TLL1: variants seen among roughly 807,000 people sequenced by gnomAD.
TLL1 encodes tolloid-like protein 1.
A neutral mutation model predicts 128.2 loss-of-function variants in TLL1; 49 were observed. The ratio of observed to expected loss-of-function variants is 0.38; its 90% CI spans 0.30 to 0.48. TLL1 has a LOEUF of 0.48. Among genes scored for constraint, TLL1 ranks in the 20% least tolerant of loss-of-function variants. The pLI, the probability that TLL1 is intolerant of heterozygous loss-of-function variation, is 0.96. For synonymous variants in TLL1, 454 were observed against 418.8 expected (o/e 1.08, Z -1.03); for missense variants, 1,123 against 1,242.0 (o/e 0.90, Z 1.44).
intron 1 of TLL1, among the ~76,000 whole-genome samples, chr4:165,967,332 T>A (rs1735435542): frequency 6.6e-6 from 1 of 152,078 alleles, no homozygotes; most frequent in Admixed American, 6.6e-5. Flanking sequence ...GTGACATACA[T>A]CCTCAGCTTA....
chr4:166,000,804 A>G (rs1268334773), intron 5 of TLL1, among the ~76,000 whole-genome samples: 1 of 152,154 alleles, frequency 6.6e-6, no homozygotes, highest in Non-Finnish European at 1.5e-5. Context: ...GAATTAAAGC[A>G]TATTATTTGA....
chr4:165,935,432 T>C (rs551333210), intron 1 of TLL1, among the ~76,000 whole-genome samples: 46 of 152,358 alleles, frequency 3.0e-4, no homozygotes, highest in African/African-American at 9.9e-4. Flanking sequence ...TTAATGCACA[T>C]GATCTATGCT....
At chr4:165,878,737 G>A (rs923116146) in intron 1 of TLL1, among the ~76,000 whole-genome samples, 12 of 151,972 alleles carry the variant, frequency 7.9e-5, no homozygotes, top group Non-Finnish European at 1.6e-4. Flanking sequence ...TCTTCTCTTA[G>A]CTAGTTGCTG....
chr4:165,914,931 G>A (rs528380334), intron 1 of TLL1, among the ~76,000 whole-genome samples: 1 of 152,300 alleles, frequency 6.6e-6, no homozygotes, highest in African/African-American at 2.4e-5. Context: ...GACAAGATGT[G>A]CAGAAACCCA....
chr4:165,960,206 T>A (rs879909454), intron 1 of TLL1, among the ~76,000 whole-genome samples: 1 of 152,038 alleles, frequency 6.6e-6, no homozygotes, highest in Non-Finnish European at 1.5e-5. Context: ...ATGAAACTCC[T>A]ATGTTCACAA....
chr4:165,908,767 G>C (rs1732391087), intron 1 of TLL1, among the ~76,000 whole-genome samples: 1 of 152,098 alleles, frequency 6.6e-6, no homozygotes, highest in South Asian at 2.1e-4. Context: ...GAGAGACTGT[G>C]AGTAAACCCT....
chr4:166,039,133 C>T (rs1739131364), intron 9 of TLL1, among the ~76,000 whole-genome samples: 1 of 152,054 alleles, frequency 6.6e-6, no homozygotes, highest in South Asian at 2.1e-4. Context: ...CTTCTCCTGA[C>T]ATTGTAAAAC....
intron 1 of TLL1, among the ~76,000 whole-genome samples, chr4:165,911,723 A>G (rs1031172770): frequency 6.6e-6 from 1 of 152,124 alleles, no homozygotes; most frequent in Non-Finnish European, 1.5e-5. Context: ...TCGTATTGAT[A>G]TAACCCTACC....
intron 1 of TLL1, among the ~76,000 whole-genome samples, chr4:165,893,279 A>G (rs771044570): frequency 2.0e-5 from 3 of 151,792 alleles, no homozygotes; most frequent in Non-Finnish European, 2.9e-5. Context: ...AAGAAACTGG[A>G]CAAAATATAT....
chr4:166,089,723 C>G (rs1234688350), intron 18 of TLL1, among the ~76,000 whole-genome samples: 2 of 152,026 alleles, frequency 1.3e-5, no homozygotes, highest in Non-Finnish European at 2.9e-5. Context: ...CCTTTTCATC[C>G]ATAATGATTA....
chr4:166,021,863 G>C (rs1738254991), intron 8 of TLL1, among the ~76,000 whole-genome samples: 1 of 152,028 alleles, frequency 6.6e-6, no homozygotes, highest in Non-Finnish European at 1.5e-5. Context: ...CTGTTCTCCA[G>C]CTATGCTGCT....
intron 8 of TLL1, 105 bp downstream of exon 8, chr4:166,014,665 G>A: frequency 3.2e-6 from 5 of 1,541,442 alleles, no homozygotes; most frequent in African/African-American, 1.4e-5. Context: ...CTCCCTGTTG[G>A]CAAGTGACGT....
At chr4:166,061,535 G>T (rs945086627) in intron 15 of TLL1, among the ~76,000 whole-genome samples, 1 of 151,986 alleles carries the variant, frequency 6.6e-6, no homozygotes, top group Admixed American at 6.6e-5. Context: ...ATGAGCTACC[G>T]TGCCTGGCCT....
chr4:166,080,076 T>G (rs1215560203), intron 18 of TLL1, among the ~76,000 whole-genome samples: 6 of 152,106 alleles, frequency 3.9e-5, no homozygotes, highest in Non-Finnish European at 7.4e-5. Flanking sequence ...TGACAGAAAT[T>G]TATTTTCTCA....
intron 1 of TLL1, among the ~76,000 whole-genome samples, chr4:165,965,596 A>T (rs997414338): frequency 3.9e-5 from 6 of 152,222 alleles, no homozygotes; most frequent in African/African-American, 1.2e-4. Flanking sequence ...GGAGGTAAAT[A>T]GCAATGGCTG....
intron 2 of TLL1, 49 bp from the exon 3 acceptor site, chr4:165,992,755 A>G: frequency 6.5e-7 from 1 of 1,546,434 alleles, no homozygotes; most frequent in Non-Finnish European, 8.9e-7. Flanking sequence ...TTTATTTGCA[A>G]GAACTTTAAC....
At chr4:165,952,992 G>A (rs980785815) in intron 1 of TLL1, among the ~76,000 whole-genome samples, 1 of 151,956 alleles carries the variant, frequency 6.6e-6, no homozygotes, top group African/African-American at 2.4e-5. Flanking sequence ...TTCTAACCCT[G>A]GTGGATTCAA....
chr4:165,888,554 A>AT (rs35285663), intron 1 of TLL1, among the ~76,000 whole-genome samples: 582 of 146,866 alleles, frequency 4.0e-3, no homozygotes, highest in African/African-American at 0.012. Context: ...ACTGGAAAAT[A>AT]TTTTTTTTTT....
At chr4:165,985,719 A>T (rs1226261192) in intron 1 of TLL1, among the ~76,000 whole-genome samples, 1 of 152,002 alleles carries the variant, frequency 6.6e-6, no homozygotes, top group African/African-American at 2.4e-5. Context: ...CTCATCATAC[A>T]TTATTTTATA....
Sources: gnomAD v4.1 joint callset for allele counts (sites outside exome capture counted in the v4.1 genomes callset) on GRCh38, gnomAD v4.1.1 for gene constraint, MANE v1.5 for transcripts, NCBI Gene and HGNC (gene_info 2026-07-23, HGNC 2026-07-21) for gene names.